RAPGEF5: variants seen among roughly 807,000 people sequenced by gnomAD.
RAPGEF5 encodes the protein Rap guanine nucleotide exchange factor 5.
A neutral mutation model predicts 125.2 loss-of-function variants in RAPGEF5; 65 were observed. The observed-to-expected ratio is 0.52, with a 90% CI of 0.43 to 0.64. The LOEUF (loss-of-function observed/expected upper bound fraction) is 0.64. Among genes scored for constraint, RAPGEF5 ranks in the 30% least tolerant of loss-of-function variants. The pLI is 0.00. For missense variants in RAPGEF5, 958 were observed against 1,048.1 expected, an observed-to-expected ratio of 0.91 and a Z score of 1.19; for synonymous variants, 391 against 385.9, an observed-to-expected ratio of 1.01 and a Z score of -0.16.
In RAPGEF5 at chr7:22,147,034, G is replaced by A. The variant is rs768073186; in HGVS notation, c.1885-15C>T. 11 of 1,608,596 alleles carry A rather than the reference G, an allele frequency of 6.8e-6. No individual in the cohort carries two copies. In the Admixed American group the frequency reaches 1.2e-4, roughly 17 times the overall value. On this transcript the variant is annotated splice_polypyrimidine_tract_variant and intron_variant, in intron 18 of 25. Coordinates refer to ENST00000665637, the MANE Select transcript of RAPGEF5 (RefSeq NM_012294.5). ...GCAAATGGGTTCTAAACCAACAGAA[G>A]CAAAAAGATCCTCAGTAATTCCCAA...
intron 5 of RAPGEF5, 142 bp from the exon 6 acceptor site, chr7:22,291,383 G>A (rs962932283): frequency 5.2e-6 from 7 of 1,335,686 alleles, no homozygotes; most frequent in South Asian, 4.8e-5. Flanking sequence ...GGTTGTGACA[G>A]TAACTCCATA....
chr7:22,227,157 G>C (rs1785938225), intron 8 of RAPGEF5, among the ~76,000 whole-genome samples: 1 of 151,608 alleles, frequency 6.6e-6, no homozygotes, highest in Non-Finnish European at 1.5e-5. Flanking sequence ...TTTGACCTAA[G>C]AGAAATTATA....
intron 8 of RAPGEF5, among the ~76,000 whole-genome samples, chr7:22,223,996 T>C (rs997900591): frequency 2.0e-5 from 3 of 152,186 alleles, no homozygotes; most frequent in Admixed American, 1.3e-4. Context: ...CAAGAGATAA[T>C]ATGTAAATGA....
At chr7:22,253,816 G>T (rs2128138855) in intron 7 of RAPGEF5, among the ~76,000 whole-genome samples, 1 of 152,258 alleles carries the variant, frequency 6.6e-6, no homozygotes, top group African/African-American at 2.4e-5. Flanking sequence ...AATCCCATTT[G>T]TCATGCATTC....
At chr7:22,143,614 G>A (rs1783334733) in intron 20 of RAPGEF5, among the ~76,000 whole-genome samples, 1 of 152,154 alleles carries the variant, frequency 6.6e-6, no homozygotes, top group African/African-American at 2.4e-5. Context: ...TCTCCACTGA[G>A]TTGGCCTCCC....
At chr7:22,335,792 C>T (rs1362928448) in intron 1 of RAPGEF5, among the ~76,000 whole-genome samples, 1 of 151,974 alleles carries the variant, frequency 6.6e-6, no homozygotes, top group Non-Finnish European at 1.5e-5. Flanking sequence ...AAAGCAACTC[C>T]TTTCCTTCTC....
At chr7:22,194,366 A>G (rs1306402941) in intron 9 of RAPGEF5, among the ~76,000 whole-genome samples, 1 of 152,240 alleles carries the variant, frequency 6.6e-6, no homozygotes. Context: ...AAAAAGCACA[A>G]CATACTAATT....
intron 1 of RAPGEF5, among the ~76,000 whole-genome samples, chr7:22,334,360 A>G (rs749232094): frequency 6.6e-6 from 1 of 152,264 alleles, no homozygotes; most frequent in African/African-American, 2.4e-5. Flanking sequence ...CACTATTCCT[A>G]AGGGCAGCAG....
Position 22,131,081 on chromosome 7 carries a change from C to T in RAPGEF5, c.2437G>A (p.Gly813Arg), listed in dbSNP as rs1362374118. 1 of 1,533,836 alleles carries T rather than the reference C, an allele frequency of 6.5e-7. No homozygotes were observed. Among genetic ancestry groups the T allele is most frequent in the Admixed American group, 2.1e-5 (1 of 47,202 alleles). The change falls in exon 24 of 26, where the codon GGA (glycine) becomes AGA (arginine). Residue 813 changes from glycine (G) to arginine (R), a missense_variant. Physicochemically the swap from Gly to Arg is moderately radical, Grantham distance 125. Coordinates refer to ENST00000665637, the MANE Select transcript of RAPGEF5 (RefSeq NM_012294.5). ...LLKDVTFIHE[G>R]NKTFLDNLVN... ...AGATTATCCAAAAAAGTTTTATTTCCTTCATGAATAAATGTTACATCTGAA... is the reference window on the plus strand; with the variant it reads ...AGATTATCCAAAAAAGTTTTATTTCTTTCATGAATAAATGTTACATCTGAA...
At chr7:22,335,113 T>A (rs73683351) in intron 1 of RAPGEF5, among the ~76,000 whole-genome samples, 1 of 152,150 alleles carries the variant, frequency 6.6e-6, no homozygotes, top group East Asian at 1.9e-4. Context: ...GAAGAGGCAA[T>A]GGGTGGGGAT....
At chr7:22,202,054 G>C (rs1785290621) in intron 9 of RAPGEF5, among the ~76,000 whole-genome samples, 1 of 152,212 alleles carries the variant, frequency 6.6e-6, no homozygotes, top group Admixed American at 6.5e-5. Context: ...AAGGCAAAGA[G>C]GCAGAGGTTC....
chr7:22,167,491 T>C (rs1784208290), intron 11 of RAPGEF5, among the ~76,000 whole-genome samples: 2 of 152,166 alleles, frequency 1.3e-5, no homozygotes, highest in African/African-American at 4.8e-5. Context: ...AAAAATAAAT[T>C]TTACAAGACT....
At chr7:22,255,025 C>T (rs1164236123) in intron 7 of RAPGEF5, among the ~76,000 whole-genome samples, 4 of 152,088 alleles carry the variant, frequency 2.6e-5, no homozygotes, top group Non-Finnish European at 2.9e-5. Context: ...ACCTTGATTA[C>T]CAGATCCTGG....
intron 24 of RAPGEF5, among the ~76,000 whole-genome samples, chr7:22,129,495 C>T (rs534942283): frequency 9.2e-5 from 14 of 152,298 alleles, no homozygotes; most frequent in Admixed American, 2.0e-4. Flanking sequence ...CATATTCCCG[C>T]AATTGTTTCA....
intron 7 of RAPGEF5, among the ~76,000 whole-genome samples, chr7:22,243,285 C>G (rs535152326): frequency 6.6e-6 from 1 of 152,126 alleles, no homozygotes; most frequent in African/African-American, 2.4e-5. Flanking sequence ...GAGACAGAGT[C>G]TGACTCAGCC....
intron 1 of RAPGEF5, among the ~76,000 whole-genome samples, chr7:22,350,256 C>T (rs2108288): frequency 0.2 from 30,302 of 152,068 alleles, 3,137 homozygotes; most frequent in Admixed American, 0.24. Flanking sequence ...GCCACATCAA[C>T]TTAAGAGAAA....
At chr7:22,172,263 C>T (rs1336055938) in intron 11 of RAPGEF5, among the ~76,000 whole-genome samples, 1 of 151,946 alleles carries the variant, frequency 6.6e-6, no homozygotes, top group African/African-American at 2.4e-5. Flanking sequence ...ACTGGGATTA[C>T]AGGCACACAC....
At chr7:22,151,132 A>G (rs975890011) in intron 17 of RAPGEF5, among the ~76,000 whole-genome samples, 1 of 152,164 alleles carries the variant, frequency 6.6e-6, no homozygotes. Context: ...GGTCATATAA[A>G]TTAGATGGCA....
intron 7 of RAPGEF5, among the ~76,000 whole-genome samples, chr7:22,239,521 G>T (rs1786271121): frequency 6.6e-6 from 1 of 151,896 alleles, no homozygotes; most frequent in Non-Finnish European, 1.5e-5. Context: ...GGCAACTCAA[G>T]CCACTGAGAG....
Sources: gnomAD v4.1 joint callset for allele counts (sites outside exome capture counted in the v4.1 genomes callset) on GRCh38, gnomAD v4.1.1 for gene constraint, MANE v1.5 for transcripts, NCBI Gene and HGNC (gene_info 2026-07-23, HGNC 2026-07-21) for gene names.